GSG1L: variants seen among roughly 807,000 people sequenced by gnomAD.
GSG1L encodes the protein germ cell-specific gene 1-like protein.
A neutral mutation model predicts 42.1 loss-of-function variants in GSG1L; 24 were observed. The ratio of observed to expected loss-of-function variants is 0.57; its 90% CI spans 0.41 to 0.80. GSG1L has a LOEUF of 0.80. GSG1L is among the 30% of genes least tolerant of loss of function. GSG1L has a pLI of 0.00. For missense variants in GSG1L, 445 were observed against 472.2 expected (o/e 0.94, Z 0.53); for synonymous variants, 215 against 203.5 (o/e 1.06, Z -0.48).
chr16:27,889,929 G>A (rs56075460), intron 2 of GSG1L, among the ~76,000 whole-genome samples: 22,005 of 152,164 alleles, frequency 0.14, 2,085 homozygotes, highest in South Asian at 0.23. Context: ...CGTATCACCC[G>A]TTTTGCAGAC....
intron 1 of GSG1L, among the ~76,000 whole-genome samples, chr16:28,020,487 T>C (rs934412420): frequency 2.0e-5 from 3 of 152,174 alleles, no homozygotes; most frequent in Non-Finnish European, 2.9e-5. Flanking sequence ...TAAGTACCTT[T>C]CCATGGATTG....
At chr16:27,882,791 G>T (rs1184667440) in intron 3 of GSG1L, among the ~76,000 whole-genome samples, 1 of 152,110 alleles carries the variant, frequency 6.6e-6, no homozygotes, top group African/African-American at 2.4e-5. Flanking sequence ...AGAATTGTCT[G>T]ATGAATACAT....
intron 2 of GSG1L, among the ~76,000 whole-genome samples, chr16:27,920,300 G>A (rs2084509161): frequency 6.6e-6 from 1 of 152,172 alleles, no homozygotes; most frequent in Non-Finnish European, 1.5e-5. Flanking sequence ...TTTTTGGACT[G>A]TAGCATGGCT....
intron 2 of GSG1L, among the ~76,000 whole-genome samples, chr16:27,953,115 CAG>C (rs1438901077): frequency 6.6e-6 from 1 of 152,112 alleles, no homozygotes; most frequent in African/African-American, 2.4e-5. Context: ...CTTTTAGAAA[CAG>C]AGTCTCACTA....
At chr16:27,856,475 C>A (rs895108028) in intron 3 of GSG1L, among the ~76,000 whole-genome samples, 1 of 152,132 alleles carries the variant, frequency 6.6e-6, no homozygotes, top group African/African-American at 2.4e-5. Flanking sequence ...CCACCATGCC[C>A]AGGTAATATT....
At chr16:27,859,171 C>T (rs1349476869) in intron 3 of GSG1L, among the ~76,000 whole-genome samples, 2 of 146,864 alleles carry the variant, frequency 1.4e-5, no homozygotes, top group East Asian at 3.9e-4. Context: ...GGAAGTGGAT[C>T]TGGCTCCGTG....
At position 27,828,871 on chromosome 16, in the gene GSG1L, G is replaced by T; in HGVS notation, c.748C>A (p.His250Asn). The change falls in exon 5 of 7, where the codon CAC becomes AAC. Residue 250 changes from histidine (H) to asparagine (N), a missense_variant. Physicochemically the swap from His to Asn is moderately conservative, Grantham distance 68 (BLOSUM62 1). Coordinates refer to ENST00000447459, the MANE Select transcript of GSG1L (RefSeq NM_001109763.2). ...SYTKTVIEFRHKRKVFEQGYR... is the reference protein window; with the variant it reads ...SYTKTVIEFRNKRKVFEQGYR... ...CCCTGCTCAAAGACCTTGCGCTTGT[G>T]CCGGAACTCAATGACCGTCTTGGTG... 1 of 1,614,196 alleles carries T rather than the reference G, an allele frequency of 6.2e-7. No homozygotes were observed. Among genetic ancestry groups the T allele is most frequent in the Admixed American group, 1.7e-5 (1 of 60,022 alleles).
rs1382187100 is a variant in GSG1L at position 27,790,152 on chromosome 16, A to G, written c.*1218T>C. ...TGGAAAGATGAATTATGAATGATGG[A>G]TGGATGATGAATGATGGATGGATAA... On this transcript the variant is annotated 3_prime_UTR_variant, in exon 7 of 7. Transcript: ENST00000447459. 1 of 151,782 alleles carries G rather than the reference A, an allele frequency of 6.6e-6. No homozygotes were observed. The highest frequency in any genetic ancestry group is 1.5e-5 in the Non-Finnish European group (1 of 67,946). 9.4% of individuals were successfully genotyped at this position (151,782 alleles called of 1,614,324 possible).
intron 5 of GSG1L, among the ~76,000 whole-genome samples, chr16:27,808,163 C>T (rs999088023): frequency 6.6e-6 from 1 of 151,964 alleles, no homozygotes; most frequent in Non-Finnish European, 1.5e-5. Flanking sequence ...GAGCTTGCTG[C>T]AGCCTCCAAC....
At chr16:27,885,632 C>T (rs2084018397) in intron 2 of GSG1L, among the ~76,000 whole-genome samples, 1 of 152,226 alleles carries the variant, frequency 6.6e-6, no homozygotes, top group African/African-American at 2.4e-5. Context: ...GCCCTCCTGG[C>T]ATAGCTGATT....
rs117938853 is a variant in GSG1L, at chr16:27,815,124, G to T, written c.831-7570C>A. Reference sequence around the variant, plus strand: ...TTGCTTTTTTCATAAGATGGTGGTGGTGTAAGAAACATCCACTGATATGGT... The same window carrying T: ...TTGCTTTTTTCATAAGATGGTGGTGTTGTAAGAAACATCCACTGATATGGT... On this transcript the variant is annotated intron_variant, in intron 5 of 6. Coordinates refer to ENST00000447459, the MANE Select transcript of GSG1L (RefSeq NM_001109763.2). Among the ~76,000 whole-genome samples the T allele has an allele frequency of 5.9e-4, 90 of 152,178 alleles. 2 individuals carry two copies. The East Asian group carries it at 0.016, about 27-fold the overall frequency.
chr16:28,009,860 A>G (rs1181696521), intron 1 of GSG1L, among the ~76,000 whole-genome samples: 3 of 152,250 alleles, frequency 2.0e-5, no homozygotes, highest in Admixed American at 2.0e-4. Flanking sequence ...GCCACATAAC[A>G]AGTGAAGAAA....
chr16:27,832,477 G>A (rs2083283275), intron 4 of GSG1L, among the ~76,000 whole-genome samples: 2 of 152,292 alleles, frequency 1.3e-5, no homozygotes, highest in South Asian at 2.1e-4. Flanking sequence ...ACAGGAGTAT[G>A]TATGGGATTG....
At chr16:28,051,209 C>A (rs1160602290) in intron 1 of GSG1L, among the ~76,000 whole-genome samples, 1 of 152,132 alleles carries the variant, frequency 6.6e-6, no homozygotes, top group Non-Finnish European at 1.5e-5. Context: ...TTTTGAATAA[C>A]AGCTATTCTG....
At chr16:27,889,238 C>T (rs1295635311) in intron 2 of GSG1L, among the ~76,000 whole-genome samples, 15 of 152,142 alleles carry the variant, frequency 9.9e-5, no homozygotes, top group Admixed American at 9.8e-4. Flanking sequence ...GATCCTCCCG[C>T]CTCGGCCTCC....
At chr16:27,938,505 C>A (rs1255249318) in intron 2 of GSG1L, among the ~76,000 whole-genome samples, 1 of 152,076 alleles carries the variant, frequency 6.6e-6, no homozygotes, top group Admixed American at 6.5e-5. Context: ...CTGGCTGGAG[C>A]CTTGAGAGCC....
chr16:27,994,818 T>A (rs2085496456), intron 1 of GSG1L, among the ~76,000 whole-genome samples: 1 of 152,150 alleles, frequency 6.6e-6, no homozygotes, highest in Non-Finnish European at 1.5e-5. Context: ...GGCTGAGAGG[T>A]CACAGGGCCA....
At chr16:28,026,308 G>A (rs1664709199) in intron 1 of GSG1L, among the ~76,000 whole-genome samples, 1 of 152,156 alleles carries the variant, frequency 6.6e-6, no homozygotes, top group Admixed American at 6.5e-5. Flanking sequence ...CAGGAGAGGA[G>A]CCCCTTGAGA....
chr16:27,935,719 C>G (rs2084708280), intron 2 of GSG1L, among the ~76,000 whole-genome samples: 1 of 151,650 alleles, frequency 6.6e-6, no homozygotes, highest in African/African-American at 2.4e-5. Context: ...TGTGTTGCAA[C>G]CCAGCCCTGC....
Sources: gnomAD v4.1 joint callset for allele counts (sites outside exome capture counted in the v4.1 genomes callset) on GRCh38, gnomAD v4.1.1 for gene constraint, MANE v1.5 for transcripts, NCBI Gene and HGNC (gene_info 2026-07-23, HGNC 2026-07-21) for gene names.